TMEM131: variants seen among roughly 807,000 people sequenced by gnomAD.
TMEM131 encodes 2610524E03Rik.
TMEM131 carries 66 observed loss-of-function variants against 211.6 expected under a neutral mutation model. The ratio of observed to expected loss-of-function variants is 0.31; its 90% CI spans 0.26 to 0.38. The LOEUF (loss-of-function observed/expected upper bound fraction) is 0.38, where lower values mean the gene tolerates loss of function less well. TMEM131 is among the 10% of genes least tolerant of loss of function. The pLI is 1.00. For missense variants in TMEM131, 2,036 were observed against 2,299.3 expected, an observed-to-expected ratio of 0.89 and a Z score of 2.34; for synonymous variants, 844 against 841.3, an observed-to-expected ratio of 1.00 and a Z score of -0.06.
At chr2:97,945,209 A>G (rs1192501029) in intron 1 of TMEM131, among the ~76,000 whole-genome samples, 10 of 152,194 alleles carry the variant, frequency 6.6e-5, no homozygotes, top group Non-Finnish European at 1.0e-4. Context: ...AAGCAGCCAG[A>G]TACAAAAGGC....
At chr2:97,956,855 T>C (rs905408345) in intron 1 of TMEM131, among the ~76,000 whole-genome samples, 1 of 152,048 alleles carries the variant, frequency 6.6e-6, no homozygotes, top group Non-Finnish European at 1.5e-5. Flanking sequence ...TCCCAGCAGT[T>C]TGGGAGGCCG....
intron 1 of TMEM131, among the ~76,000 whole-genome samples, chr2:97,975,050 T>C (rs1315792931): frequency 6.6e-6 from 1 of 152,150 alleles, no homozygotes; most frequent in Non-Finnish European, 1.5e-5. Context: ...AGATAGCCTA[T>C]ATTCAAAGTC....
At chr2:97,870,162 T>C (rs186884598) in intron 4 of TMEM131, among the ~76,000 whole-genome samples, 313 of 152,250 alleles carry the variant, frequency 2.1e-3, no homozygotes, top group Non-Finnish European at 3.0e-3. Context: ...AAAAAATCTA[T>C]CTCAAAGGTC....
At chr2:97,812,342 C>T (rs1338597950) in intron 17 of TMEM131, 79 bp downstream of exon 17, 1 of 1,440,966 alleles carries the variant, frequency 6.9e-7, no homozygotes, top group African/African-American at 1.4e-5. Flanking sequence ...AATAGTGATA[C>T]ATGTAGCATA....
chr2:97,802,829 A>C, intron 22 of TMEM131, 39 bp from the exon 23 acceptor site: 1 of 1,489,402 alleles, frequency 6.7e-7, no homozygotes, highest in East Asian at 2.3e-5. Context: ...TCAAAATGAA[A>C]TATTTGAGTC....
In TMEM131 at chr2:97,969,574, C is replaced by G. The variant is rs567502781; in HGVS notation, c.187+25902G>C. On this transcript the variant is annotated intron_variant, in intron 1 of 40. Transcript: ENST00000186436. Reference sequence around the variant, plus strand: ...AGAATGATGTATCTTTCTGTGCTAACATTTGTCTTCCCAGGCTACTATTCT... The same window carrying G: ...AGAATGATGTATCTTTCTGTGCTAAGATTTGTCTTCCCAGGCTACTATTCT... Among the ~76,000 whole-genome samples the G allele has an allele frequency of 2.0e-5, 3 of 152,328 alleles. No individual in the cohort carries two copies. In the South Asian group the frequency reaches 6.2e-4, roughly 32 times the overall value.
chr2:97,942,736 C>G (rs995942979), intron 1 of TMEM131, among the ~76,000 whole-genome samples: 1 of 151,854 alleles, frequency 6.6e-6, no homozygotes, highest in Non-Finnish European at 1.5e-5. Flanking sequence ...AAAGAATAGC[C>G]TAGGGACAGG....
intron 11 of TMEM131, among the ~76,000 whole-genome samples, chr2:97,829,027 T>A (rs1362877842): frequency 1.3e-5 from 2 of 152,234 alleles, no homozygotes; most frequent in African/African-American, 2.4e-5. Context: ...ATCGACCCAC[T>A]GGCCCTTTGA....
At chr2:97,985,520 C>T (rs923178304) in intron 1 of TMEM131, among the ~76,000 whole-genome samples, 3 of 151,802 alleles carry the variant, frequency 2.0e-5, no homozygotes, top group African/African-American at 7.3e-5. Flanking sequence ...TTTGAGGATT[C>T]ATAGGGAATA....
At chr2:97,778,903 C>T (rs1679855408) in intron 31 of TMEM131, among the ~76,000 whole-genome samples, 1 of 152,154 alleles carries the variant, frequency 6.6e-6, no homozygotes. Flanking sequence ...CCCTAGGGCT[C>T]AATTTCATTA....
intron 6 of TMEM131, 92 bp from the exon 7 acceptor site, chr2:97,842,029 CTAATT>C (rs1683222778): frequency 6.9e-6 from 8 of 1,159,886 alleles, no homozygotes; most frequent in Non-Finnish European, 9.0e-6. Context: ...ACTGGCAAAT[CTAATT>C]TATGTATAAA....
At chr2:97,844,093 G>A (rs536114900) in intron 6 of TMEM131, 52 bp downstream of exon 6, 4 of 496,392 alleles carry the variant, frequency 8.1e-6, no homozygotes, top group South Asian at 7.6e-5. Context: ...CATATGATAA[G>A]GCAGAGGTAA....
chr2:97,837,301 A>G, intron 7 of TMEM131, 144 bp from the exon 8 acceptor site: 2 of 574,394 alleles, frequency 3.5e-6, no homozygotes, highest in Non-Finnish European at 3.0e-6. Context: ...GTATAATATC[A>G]CTAAATTCAG....
chr2:97,757,915 G>A (rs980446806), intron 40 of TMEM131, among the ~76,000 whole-genome samples: 1 of 152,190 alleles, frequency 6.6e-6, no homozygotes, highest in African/African-American at 2.4e-5. Flanking sequence ...GGCGGATCAC[G>A]AGGTCAGGAG....
chr2:97,915,124 T>G (rs541209903), intron 2 of TMEM131, among the ~76,000 whole-genome samples: 1 of 152,376 alleles, frequency 6.6e-6, no homozygotes, highest in Admixed American at 6.5e-5. Flanking sequence ...ATGTCGTTTT[T>G]ACCATCTGTA....
At chr2:97,828,799 T>C in intron 11 of TMEM131, among the ~76,000 whole-genome samples, 1 of 152,240 alleles carries the variant, frequency 6.6e-6, no homozygotes, top group East Asian at 1.9e-4. Context: ...TTCAATGCCT[T>C]TCCAACTCTT....
intron 32 of TMEM131, among the ~76,000 whole-genome samples, chr2:97,773,941 G>C (rs888777576): frequency 3.3e-5 from 5 of 152,190 alleles, no homozygotes; most frequent in African/African-American, 1.2e-4. Context: ...CACTGGCAGG[G>C]ACAGATGGGG....
intron 1 of TMEM131, among the ~76,000 whole-genome samples, chr2:97,971,092 A>G (rs533680389): frequency 2.5e-4 from 38 of 152,364 alleles, no homozygotes; most frequent in African/African-American, 8.7e-4. Context: ...GGAGTCAAAT[A>G]CAATATGAAG....
At position 97,805,433 on chromosome 2, in the gene TMEM131, C is replaced by A. The variant is rs1681251742; in HGVS notation, c.2227G>T (p.Asp743Tyr). Residue 743 changes from aspartate to tyrosine, a missense_variant, in exon 21 of 41, where the codon GAT (aspartate) becomes TAT (tyrosine). Transcript: ENST00000186436. ...KKSKIANIYF[D>Y]PGLQCGDHCY... ...TGATCCCCACACTGTAGTCCAGGAT[C>A]AAAATAAATGTTTGCAATCTATAAA... 6.2e-7 allele frequency: 1 copy of A among 1,613,792 alleles called. No individual in the cohort carries two copies. Among genetic ancestry groups the A allele is most frequent in the Admixed American group, 1.7e-5 (1 of 59,992 alleles).
Sources: allele counts gnomAD v4.1 joint callset (sites outside exome capture counted in the v4.1 genomes callset), GRCh38; gene constraint gnomAD v4.1.1; transcripts MANE v1.5; gene names NCBI Gene and HGNC (gene_info 2026-07-23, HGNC 2026-07-21).